Variants in PDE8B observed in about 807,000 individuals in gnomAD.
PDE8B encodes high affinity cAMP-specific and IBMX-insensitive 3',5'-cyclic phosphodiesterase 8B.
PDE8B carries 26 observed loss-of-function variants against 101.3 expected under a neutral mutation model. That is an observed-to-expected ratio of 0.26 (90% CI 0.19 to 0.36). The LOEUF (loss-of-function observed/expected upper bound fraction) is 0.36. PDE8B is among the 10% of genes least tolerant of loss of function. The probability of loss-of-function intolerance (pLI) is 1.00; values close to 1 mark genes in which losing one functional copy is unlikely to be tolerated. For missense variants in PDE8B, 810 were observed against 1,163.1 expected, an observed-to-expected ratio of 0.70 and a Z score of 4.42; for synonymous variants, 424 against 429.3, an observed-to-expected ratio of 0.99 and a Z score of 0.15.
intron 6 of PDE8B, among the ~76,000 whole-genome samples, chr5:77,337,707 C>T (rs1242632250): frequency 6.6e-6 from 1 of 152,184 alleles, no homozygotes. Flanking sequence ...ATTTATCATG[C>T]TAACCATAAA....
chr5:77,389,332 C>T (rs181447274), intron 10 of PDE8B, among the ~76,000 whole-genome samples: 31 of 152,220 alleles, frequency 2.0e-4, no homozygotes, highest in Admixed American at 7.8e-4. Flanking sequence ...GGGAATTCTC[C>T]GACCACTTGT....
chr5:77,118,238 C>T, the PDE8B span: 19 of 394,928 alleles, frequency 4.8e-5, no homozygotes, highest in African/African-American at 1.0e-4. Flanking sequence ...TGAGCCACCA[C>T]GCCTAGCCTA....
the PDE8B span, among the ~76,000 whole-genome samples, chr5:77,167,571 C>T: frequency 1.3e-5 from 2 of 152,198 alleles, no homozygotes; most frequent in Non-Finnish European, 2.9e-5. Context: ...CCTTCCACAC[C>T]TGCCCCTTCC....
intron 21 of PDE8B, chr5:77,426,210 G>A (rs1243464506): frequency 5.0e-6 from 3 of 599,726 alleles, no homozygotes; most frequent in Non-Finnish European, 8.9e-6. Context: ...AATGCAAAAT[G>A]TATTTAGTTT....
At chr5:77,112,322 G>C in the PDE8B span, 4 of 152,142 alleles carry the variant, frequency 2.6e-5, no homozygotes, top group Non-Finnish European at 5.9e-5. Flanking sequence ...ACAAAATATC[G>C]TAGCATTTGG....
Position 77,418,446 on chromosome 5 carries a change from G to A in PDE8B, c.2129G>A (p.Arg710Lys). The change falls in exon 18 of 22, where the codon AGG (arginine) becomes AAG (lysine). Residue 710 changes from arginine to lysine, a missense_variant and splice_region_variant. Arg to Lys is a conservative substitution (Grantham distance 26). This residue lies in a region of PDE8B where 325 missense variants were observed against 560.9 expected (regional missense o/e 0.58). Transcript: ENST00000264917. ...TGCAACATTTTCAAGAATATTGACA[G>A]GTTTGTTGTGCTGGGGCTCCTGTGC... ...TKCNIFKNID[R>K]NHYRTLRQAI... The A allele has an allele frequency of 6.2e-7, 1 of 1,608,254 alleles. No individual in the cohort carries two copies. The highest frequency in any genetic ancestry group is 1.1e-5 in the South Asian group (1 of 90,678).
the PDE8B span, among the ~76,000 whole-genome samples, chr5:77,192,453 T>C: frequency 2.0e-5 from 3 of 152,244 alleles, no homozygotes; most frequent in African/African-American, 7.2e-5. Flanking sequence ...TCTGTCTTGT[T>C]TCACCCAGTA....
At chr5:77,106,035 AG>A in the PDE8B span, 1 of 152,096 alleles carries the variant, frequency 6.6e-6, no homozygotes, top group Admixed American at 6.6e-5. Context: ...TTCACAGTTG[AG>A]TTGTATTAGT....
the PDE8B span, among the ~76,000 whole-genome samples, chr5:77,185,307 T>TC: frequency 5.3e-5 from 8 of 152,280 alleles, no homozygotes; most frequent in South Asian, 1.7e-3. Flanking sequence ...GCTAAAAGCC[T>TC]CAGAACTATA....
upstream of PDE8B, among the ~76,000 whole-genome samples, chr5:77,208,709 C>CT (rs1272912560): frequency 6.6e-6 from 1 of 152,210 alleles, no homozygotes; most frequent in African/African-American, 2.4e-5. Context: ...CCTCCAGCTA[C>CT]TGGGAGTGCT....
chr5:77,423,661 A>ATTTTTT lies in PDE8B; in HGVS notation c.2418+1673_2418+1674insTTTTTT, dbSNP rs1797245306. ...TTTTTTTTTTTTTTTTTTTTTTTTG[A>ATTTTTT]GACAGTCTTGCTCTGTTGCCCAGGC... On this transcript the variant is annotated intron_variant, in intron 20 of 21. Coordinates refer to ENST00000264917, the MANE Select transcript of PDE8B (RefSeq NM_003719.5). Among the ~76,000 whole-genome samples, 21 of 24,968 alleles carry ATTTTTT rather than the reference A, an allele frequency of 8.4e-4. 1 individual carries two copies. Among genetic ancestry groups the ATTTTTT allele is most frequent in the African/African-American group, 2.6e-3 (21 of 7,948 alleles). 16.4% of individuals were successfully genotyped at this position (24,968 alleles called of 152,430 possible).
intron 1 of PDE8B, among the ~76,000 whole-genome samples, chr5:77,244,642 GCT>G (rs200515907): frequency 6.6e-6 from 1 of 151,316 alleles, no homozygotes; most frequent in Non-Finnish European, 1.5e-5. Context: ...TTTTTTAAGT[GCT>G]CTCTCTCTCT....
chr5:77,375,162 G>A (rs1164930150), intron 10 of PDE8B, among the ~76,000 whole-genome samples: 1 of 152,202 alleles, frequency 6.6e-6, no homozygotes, highest in Non-Finnish European at 1.5e-5. Flanking sequence ...TCTCAGCTGT[G>A]TTTCTAGGAC....
chr5:77,378,950 A>G (rs962521878), intron 10 of PDE8B, among the ~76,000 whole-genome samples: 3 of 152,246 alleles, frequency 2.0e-5, no homozygotes, highest in East Asian at 1.9e-4. Context: ...CTTACATTGT[A>G]GATATTTGAA....
chr5:77,360,894 C>T (rs1782980134), intron 10 of PDE8B, among the ~76,000 whole-genome samples: 1 of 152,194 alleles, frequency 6.6e-6, no homozygotes, highest in South Asian at 2.1e-4. Context: ...ACTCCCTCTG[C>T]CTCCTTGTAA....
At chr5:77,381,314 G>A (rs1188952749) in intron 10 of PDE8B, among the ~76,000 whole-genome samples, 1 of 152,238 alleles carries the variant, frequency 6.6e-6, no homozygotes, top group African/African-American at 2.4e-5. Flanking sequence ...AGAGACGCAA[G>A]TGACTTTACA....
the PDE8B span, among the ~76,000 whole-genome samples, chr5:77,204,700 G>T: frequency 3.3e-5 from 5 of 152,138 alleles, no homozygotes; most frequent in Admixed American, 2.6e-4. Flanking sequence ...CTGTGCCTTT[G>T]TTCATGCTGT....
At chr5:77,234,880 A>G (rs374240731) in intron 1 of PDE8B, among the ~76,000 whole-genome samples, 1 of 152,268 alleles carries the variant, frequency 6.6e-6, no homozygotes, top group East Asian at 1.9e-4. Flanking sequence ...AGTAATTCCT[A>G]TTTTATCTGG....
At chr5:77,301,014 G>T (rs948212250) in intron 1 of PDE8B, among the ~76,000 whole-genome samples, 1 of 152,218 alleles carries the variant, frequency 6.6e-6, no homozygotes, top group Admixed American at 6.5e-5. Flanking sequence ...GCCCGACAAG[G>T]ATTCATTACC....
Sources: gnomAD v4.1 joint callset for allele counts (sites outside exome capture counted in the v4.1 genomes callset) on GRCh38, gnomAD v4.1.1 for gene constraint, gnomAD v4.1.1 regional missense constraint, MANE v1.5 for transcripts, NCBI Gene and HGNC (gene_info 2026-07-23, HGNC 2026-07-21) for gene names.